EIPR1: variants seen among roughly 807,000 people sequenced by gnomAD.
EIPR1 encodes the protein EARP and GARP complex-interacting protein 1.
Under a neutral mutation model 48.1 loss-of-function variants are expected in EIPR1, and 25 were observed. The ratio of observed to expected loss-of-function variants is 0.52; its 90% CI spans 0.38 to 0.73. The LOEUF is 0.73. Ranked by LOEUF, EIPR1 falls within the 30% of genes least tolerant of loss-of-function variation. EIPR1 has a pLI of 0.00. For synonymous variants in EIPR1, 204 were observed against 201.9 expected (o/e 1.01, Z -0.09); for missense variants, 415 against 506.2 (o/e 0.82, Z 1.73).
intron 3 of EIPR1, among the ~76,000 whole-genome samples, chr2:3,265,393 C>T (rs181337393): frequency 3.7e-4 from 56 of 152,336 alleles, no homozygotes; most frequent in African/African-American, 1.2e-3. Context: ...ACATACTCAT[C>T]AGCTCTGAAA....
intron 4 of EIPR1, among the ~76,000 whole-genome samples, chr2:3,226,989 C>A (rs1666084945): frequency 6.6e-6 from 1 of 152,180 alleles, no homozygotes; most frequent in South Asian, 2.1e-4. Flanking sequence ...ACCTCTTTTT[C>A]TTTATAAATT....
At chr2:3,346,892 C>G (rs1670418204) in intron 2 of EIPR1, among the ~76,000 whole-genome samples, 1 of 152,192 alleles carries the variant, frequency 6.6e-6, no homozygotes, top group African/African-American at 2.4e-5. Context: ...AAATTTGTCC[C>G]TTTCGAAATC....
chr2:3,292,998 T>C (rs1572404183), intron 3 of EIPR1, among the ~76,000 whole-genome samples: 1 of 152,328 alleles, frequency 6.6e-6, no homozygotes, highest in Non-Finnish European at 1.5e-5. Context: ...CCCGGTCCCA[T>C]GAAGCCTTTC....
At chr2:3,305,396 G>C (rs2103300736) in intron 3 of EIPR1, among the ~76,000 whole-genome samples, 1 of 144,592 alleles carries the variant, frequency 6.9e-6, no homozygotes, top group African/African-American at 2.6e-5. Context: ...CTCCCGTCCA[G>C]TTCAACCCTC....
At chr2:3,198,621 A>C (rs545184120) in intron 5 of EIPR1, among the ~76,000 whole-genome samples, 98 of 152,298 alleles carry the variant, frequency 6.4e-4, no homozygotes, top group African/African-American at 2.3e-3. Context: ...GAAAGAGTAC[A>C]AAAGAGAGAA....
chr2:3,231,909 A>C (rs13007292), intron 4 of EIPR1, among the ~76,000 whole-genome samples: 8,950 of 152,282 alleles, frequency 0.059, 274 homozygotes, highest in Non-Finnish European at 0.063. Context: ...AAAAGAACAA[A>C]CATTAATTCT....
Position 3,337,910 on chromosome 2 carries a change from C to T in EIPR1, c.259+107G>A, listed in dbSNP as rs181448012. On this transcript the variant is annotated intron_variant, in intron 3 of 8. Transcript: ENST00000382125. Reference sequence around the variant, plus strand: ...GTGCATGCAACACCTTCATTAATGGCTAAATCTTTTCAGTCATGTGTCGAC... The same window carrying T: ...GTGCATGCAACACCTTCATTAATGGTTAAATCTTTTCAGTCATGTGTCGAC... 53 of 1,267,260 alleles carry T rather than the reference C, an allele frequency of 4.2e-5. No individual in the cohort carries two copies. The Admixed American group carries it at 1.2e-3, about 28-fold the overall frequency. 78.5% of individuals were successfully genotyped at this position (1,267,260 alleles called of 1,614,324 possible).
At position 3,215,895 on chromosome 2, in the gene EIPR1, C is replaced by T. The variant is rs117720395; in HGVS notation, c.417-1647G>A. 1.3e-3 allele frequency among the ~76,000 whole-genome samples: 204 copies of T among 152,292 alleles called. No individual in the cohort carries two copies. In the East Asian group the frequency reaches 0.022, roughly 17 times the overall value. Reference sequence around the variant, plus strand: ...TAGTACTGTGATCAAAGGCACATCACGTCTATATTAGACCAAGAGTTTATT... The same window carrying T: ...TAGTACTGTGATCAAAGGCACATCATGTCTATATTAGACCAAGAGTTTATT... On this transcript the variant is annotated intron_variant, in intron 4 of 8. Coordinates refer to ENST00000382125, the MANE Select transcript of EIPR1 (RefSeq NM_003310.5).
chr2:3,369,697 T>G (rs542641815), intron 1 of EIPR1, among the ~76,000 whole-genome samples: 27 of 152,332 alleles, frequency 1.8e-4, no homozygotes, highest in Middle Eastern at 3.4e-3. Flanking sequence ...GCGCCCGCCA[T>G]TGCCCAGGAT....
At chr2:3,374,440 G>A (rs566598022) in intron 1 of EIPR1, among the ~76,000 whole-genome samples, 2 of 151,868 alleles carry the variant, frequency 1.3e-5, no homozygotes, top group South Asian at 2.1e-4. Flanking sequence ...GAGTGAACAG[G>A]CAACCTACAA....
chr2:3,211,199 G>A (rs970229833), intron 5 of EIPR1, among the ~76,000 whole-genome samples: 2 of 152,086 alleles, frequency 1.3e-5, no homozygotes, highest in Non-Finnish European at 2.9e-5. Context: ...CCATGGGCAC[G>A]CCGCAGTGAA....
At position 3,240,682 on chromosome 2, in the gene EIPR1, G is replaced by GA. The variant is rs879452868; in HGVS notation, c.416+16616_416+16617insT. ...GATCCTTCCTCAAGAACAGTGAGCAGGTCCCTCCTAAAGCAAAGCCAGCAG... is the reference window on the plus strand; with the variant it reads ...GATCCTTCCTCAAGAACAGTGAGCAGAGTCCCTCCTAAAGCAAAGCCAGCAG... On this transcript the variant is annotated intron_variant, in intron 4 of 8. Transcript: ENST00000382125. Among the ~76,000 whole-genome samples, 507 of 114,490 alleles carry GA rather than the reference G, an allele frequency of 4.4e-3. 1 individual carries two copies. The highest frequency in any genetic ancestry group is 5.4e-3 in the Admixed American group (64 of 11,898). 75.1% of individuals were successfully genotyped at this position (114,490 alleles called of 152,430 possible).
At chr2:3,209,337 A>G (rs1553280312) in intron 5 of EIPR1, among the ~76,000 whole-genome samples, 1 of 152,248 alleles carries the variant, frequency 6.6e-6, no homozygotes, top group Non-Finnish European at 1.5e-5. Context: ...GCAGCCAAGT[A>G]GGACACAAAA....
At chr2:3,322,656 T>A (rs535748836) in intron 3 of EIPR1, among the ~76,000 whole-genome samples, 2 of 152,154 alleles carry the variant, frequency 1.3e-5, no homozygotes, top group East Asian at 3.9e-4. Context: ...ATTGACAGAG[T>A]CCCTCGCACA....
intron 3 of EIPR1, among the ~76,000 whole-genome samples, chr2:3,309,701 C>G (rs1391071393): frequency 6.6e-6 from 1 of 152,134 alleles, no homozygotes; most frequent in Non-Finnish European, 1.5e-5. Flanking sequence ...AAATGGCCGG[C>G]GCTCGACCAG....
intron 3 of EIPR1, among the ~76,000 whole-genome samples, chr2:3,300,049 G>A (rs1440614321): frequency 1.3e-5 from 2 of 152,172 alleles, no homozygotes; most frequent in South Asian, 2.1e-4. Context: ...GCAGACAGCT[G>A]TGGCTGGATC....
chr2:3,205,661 C>G (rs977788228), intron 5 of EIPR1, among the ~76,000 whole-genome samples: 1 of 152,216 alleles, frequency 6.6e-6, no homozygotes, highest in Non-Finnish European at 1.5e-5. Context: ...CCGATGACAC[C>G]TATGGAAACT....
chr2:3,341,116 A>AAAAAC lies in EIPR1; in HGVS notation c.127-2972_127-2968dup, dbSNP rs1224207165. On this transcript the variant is annotated intron_variant, in intron 2 of 8. Coordinates refer to ENST00000382125, the MANE Select transcript of EIPR1 (RefSeq NM_003310.5). ...GTCTCAAAAAAAAAAAAAAAAAAAA[A>AAAAAC]AAAACAAAACAAAACTCCACAATAG... is the stretch of plus-strand genomic sequence containing the variant. 1.7e-4 allele frequency among the ~76,000 whole-genome samples: 22 copies of AAAAAC among 128,374 alleles called. 1 individual carries two copies. The highest frequency in any genetic ancestry group is 5.6e-4 in the African/African-American group (18 of 32,060). The allele number at this position is 128,374 out of a possible 152,430, so 84.2% of individuals were successfully genotyped here. A position where few individuals can be genotyped will look rare whatever the true frequency, so the allele number is the denominator to read the frequency against.
chr2:3,340,693 C>T (rs1282096037), intron 2 of EIPR1, among the ~76,000 whole-genome samples: 1 of 152,178 alleles, frequency 6.6e-6, no homozygotes, highest in Non-Finnish European at 1.5e-5. Context: ...CACATCTCTA[C>T]AATTAGGGAT....
Sources: allele counts gnomAD v4.1 joint callset (sites outside exome capture counted in the v4.1 genomes callset), GRCh38; gene constraint gnomAD v4.1.1; transcripts MANE v1.5; gene names NCBI Gene and HGNC (gene_info 2026-07-23, HGNC 2026-07-21).